HMG20A: variants seen among roughly 807,000 people sequenced by gnomAD.
HMG20A encodes high mobility group 20A.
Under a neutral mutation model 43.9 loss-of-function variants are expected in HMG20A, and 17 were observed. The ratio of observed to expected loss-of-function variants is 0.39; its 90% confidence interval spans 0.27 to 0.58. The LOEUF is 0.58. HMG20A is among the 20% of genes least tolerant of loss of function. The pLI is 0.59. For synonymous variants in HMG20A, 132 were observed against 147.5 expected (o/e 0.89, Z 0.76); for missense variants, 341 against 438.2 (o/e 0.78, Z 1.98).
chr15:77,448,061 A>G (rs972492798), intron 1 of HMG20A, among the ~76,000 whole-genome samples: 2 of 152,232 alleles, frequency 1.3e-5, no homozygotes, highest in African/African-American at 4.8e-5. Flanking sequence ...CTTAGAAACT[A>G]GCTTTACCTT....
intron 4 of HMG20A, among the ~76,000 whole-genome samples, chr15:77,467,936 G>A (rs776539233): frequency 2.6e-5 from 4 of 152,314 alleles, no homozygotes; most frequent in Middle Eastern, 3.4e-3. Context: ...TGTGGGAGCT[G>A]CTTTGGGTTA....
At chr15:77,427,166 G>A (rs1245525663) in intron 1 of HMG20A, among the ~76,000 whole-genome samples, 1 of 152,040 alleles carries the variant, frequency 6.6e-6, no homozygotes, top group Non-Finnish European at 1.5e-5. Flanking sequence ...ACTAGACAAA[G>A]ATGTTAGAAT....
At chr15:77,519,994 A>G in the HMG20A span, among the ~76,000 whole-genome samples, 1 of 152,068 alleles carries the variant, frequency 6.6e-6, no homozygotes, top group Non-Finnish European at 1.5e-5. Flanking sequence ...GGGTCAGGAG[A>G]TTGAGATCAT....
At chr15:77,517,843 G>A in the HMG20A span, among the ~76,000 whole-genome samples, 4 of 152,086 alleles carry the variant, frequency 2.6e-5, no homozygotes, top group East Asian at 5.9e-4. Flanking sequence ...AAAACGCTCA[G>A]GTTCTGCAAA....
At chr15:77,490,871 T>G in the HMG20A span, among the ~76,000 whole-genome samples, 2 of 152,360 alleles carry the variant, frequency 1.3e-5, no homozygotes, top group East Asian at 3.9e-4. Context: ...AAAGTTCCTT[T>G]CAGTTCCTAA....
chr15:77,480,625 A>G (rs866803349), intron 9 of HMG20A, among the ~76,000 whole-genome samples: 5 of 151,272 alleles, frequency 3.3e-5, no homozygotes, highest in African/African-American at 1.2e-4. Context: ...AAAAAAAAAA[A>G]CAAAATAAAA....
chr15:77,513,201 G>T, the HMG20A span, among the ~76,000 whole-genome samples: 1 of 152,184 alleles, frequency 6.6e-6, no homozygotes, highest in East Asian at 1.9e-4. Flanking sequence ...GATTAGACGG[G>T]AGTAAGAGAG....
intron 1 of HMG20A, among the ~76,000 whole-genome samples, chr15:77,443,331 T>C (rs2073633742): frequency 1.3e-5 from 2 of 149,112 alleles, no homozygotes; most frequent in South Asian, 4.2e-4. Context: ...TTCCAATCTT[T>C]GTTCTTATAT....
At chr15:77,452,525 A>G (rs551855094) in intron 1 of HMG20A, among the ~76,000 whole-genome samples, 2 of 152,328 alleles carry the variant, frequency 1.3e-5, no homozygotes, top group East Asian at 3.9e-4. Context: ...AGACTGGGGT[A>G]CTAGGAAGTA....
At chr15:77,447,052 G>T (rs139413180) in intron 1 of HMG20A, among the ~76,000 whole-genome samples, 1 of 152,116 alleles carries the variant, frequency 6.6e-6, no homozygotes, top group Non-Finnish European at 1.5e-5. Context: ...GTACACCCAT[G>T]TCCCAGGAAA....
At chr15:77,512,004 G>A in the HMG20A span, among the ~76,000 whole-genome samples, 1 of 152,214 alleles carries the variant, frequency 6.6e-6, no homozygotes, top group Admixed American at 6.5e-5. Context: ...TGTGGAAGCA[G>A]CCCAAGTGTC....
intron 2 of HMG20A, among the ~76,000 whole-genome samples, chr15:77,462,803 T>TA (rs2072717615): frequency 6.7e-6 from 1 of 148,904 alleles, no homozygotes; most frequent in Non-Finnish European, 1.5e-5. Flanking sequence ...GACTGAGTCT[T>TA]ACTCTGTCAC....
intron 1 of HMG20A, among the ~76,000 whole-genome samples, chr15:77,428,205 C>T (rs1484246348): frequency 6.6e-6 from 1 of 152,216 alleles, no homozygotes; most frequent in Non-Finnish European, 1.5e-5. Flanking sequence ...CCCACATTTT[C>T]AAGGCCTTCT....
intron 2 of HMG20A, among the ~76,000 whole-genome samples, chr15:77,463,176 T>C (rs1240377609): frequency 6.6e-6 from 1 of 152,184 alleles, no homozygotes; most frequent in East Asian, 1.9e-4. Context: ...TCTCCCTTTC[T>C]CCTTTTATAC....
chr15:77,497,636 A>G, the HMG20A span, among the ~76,000 whole-genome samples: 2 of 150,724 alleles, frequency 1.3e-5, no homozygotes, highest in Non-Finnish European at 2.9e-5. Context: ...CTGCTGCAGG[A>G]GAAAGAAAGA....
chr15:77,466,920 A>C (rs1358880627), intron 3 of HMG20A, among the ~76,000 whole-genome samples, 175 bp from the exon 4 acceptor site: 1 of 152,246 alleles, frequency 6.6e-6, no homozygotes, highest in Non-Finnish European at 1.5e-5. Context: ...CAAAAATTGC[A>C]TTGCTGTCAT....
the HMG20A span, among the ~76,000 whole-genome samples, chr15:77,508,026 G>T: frequency 6.6e-6 from 1 of 152,162 alleles, no homozygotes; most frequent in African/African-American, 2.4e-5. Context: ...GTAGCCCGCT[G>T]CACCCAAGCC....
intron 3 of HMG20A, among the ~76,000 whole-genome samples, chr15:77,465,629 A>G (rs573186225): frequency 1.2e-3 from 189 of 152,254 alleles, no homozygotes; most frequent in Admixed American, 2.2e-3. Context: ...TTCTGACCTC[A>G]AGTGATCCGC....
intron 1 of HMG20A, among the ~76,000 whole-genome samples, chr15:77,457,209 C>T (rs927739382): frequency 3.3e-5 from 5 of 152,188 alleles, no homozygotes; most frequent in African/African-American, 7.2e-5. Flanking sequence ...ATGTGGTCCT[C>T]GTGTCATCGG....
Sources: allele counts gnomAD v4.1 joint callset (sites outside exome capture counted in the v4.1 genomes callset), GRCh38; gene constraint gnomAD v4.1.1; transcripts MANE v1.5; gene names NCBI Gene and HGNC (gene_info 2026-07-23, HGNC 2026-07-21).